The following PDE9A variants were observed in gnomAD, a reference collection of about 807,000 sequenced individuals.
PDE9A encodes the protein phosphodiesterase 9A, also known as high affinity cGMP-specific 3',5'-cyclic phosphodiesterase 9A.
Under a neutral mutation model 87.4 loss-of-function variants are expected in PDE9A, and 60 were observed. The ratio of observed to expected loss-of-function variants is 0.69; its 90% confidence interval spans 0.56 to 0.85. PDE9A has a LOEUF of 0.85. Ranked by LOEUF, PDE9A falls within the 40% of genes least tolerant of loss-of-function variation. The pLI is 0.00. For missense variants in PDE9A, 665 were observed against 779.0 expected, an observed-to-expected ratio of 0.85 and a Z score of 1.74; for synonymous variants, 272 against 279.4, an observed-to-expected ratio of 0.97 and a Z score of 0.27.
In PDE9A at chr21:42,716,812, G is replaced by C. The variant is rs555755056; in HGVS notation, c.263-14958G>C. 1.0e-3 allele frequency among the ~76,000 whole-genome samples: 124 copies of C among 123,338 alleles called. 4 individuals are homozygous for C. The highest frequency in any genetic ancestry group is 1.7e-3 in the Non-Finnish European group (107 of 63,142). The allele number at this position is 123,338 out of a possible 152,430, so 80.9% of individuals were successfully genotyped here. A position where few individuals can be genotyped will look rare whatever the true frequency, so the allele number is the denominator to read the frequency against. On this transcript the variant is annotated intron_variant, in intron 4 of 19. Transcript: ENST00000291539. ...CTTGCCCAGGCTGGAGTGCAGTAGTGAGATCTCAGCTCACTGCAACCTCCA... is the reference window on the plus strand; with the variant it reads ...CTTGCCCAGGCTGGAGTGCAGTAGTCAGATCTCAGCTCACTGCAACCTCCA...
In PDE9A at chr21:42,731,789, A is replaced by G. The variant is rs772877028; in HGVS notation, c.282A>G (p.Arg94=). The change falls in exon 5 of 20, where the codon AGA becomes AGG. Residue 94 remains arginine (R), a synonymous_variant. Coordinates refer to ENST00000291539, the MANE Select transcript of PDE9A (RefSeq NM_002606.3). ...KQLSAGVEDK[R]TTSRGQSAER... ...TTATAGCTGGTGTCGAGGACAAGAG[A>G]ACCACAAGCCGTGGCCAGTCTGCTG... 8.1e-6 allele frequency: 13 copies of G among 1,613,466 alleles called. No homozygotes were observed. The highest frequency in any genetic ancestry group is 1.1e-5 in the Non-Finnish European group (13 of 1,179,830).
chr21:42,733,677 G>A, intron 7 of PDE9A: 1 of 522,120 alleles, frequency 1.9e-6, no homozygotes, highest in Non-Finnish European at 3.4e-6. Context: ...GAATAAAAAT[G>A]AACACACGAA....
intron 8 of PDE9A, among the ~76,000 whole-genome samples, chr21:42,748,865 G>A (rs932187176): frequency 2.0e-5 from 3 of 152,128 alleles, no homozygotes; most frequent in Admixed American, 6.6e-5. Context: ...TCCTCGTAGC[G>A]TGGCATTTTT....
At chr21:42,772,191 G>A (rs1189598053) in intron 18 of PDE9A, among the ~76,000 whole-genome samples, 10 of 152,338 alleles carry the variant, frequency 6.6e-5, no homozygotes, top group East Asian at 3.9e-4. Flanking sequence ...CAGTCCCCGC[G>A]GCTGTGGTGG....
intron 7 of PDE9A, among the ~76,000 whole-genome samples, chr21:42,740,452 A>AG (rs2053013292): frequency 6.6e-6 from 1 of 152,122 alleles, no homozygotes; most frequent in East Asian, 1.9e-4. Flanking sequence ...TCAAAAAAAA[A>AG]AAAAGAAAAG....
At chr21:42,708,926 C>T (rs564777378) in intron 4 of PDE9A, among the ~76,000 whole-genome samples, 1 of 152,132 alleles carries the variant, frequency 6.6e-6, no homozygotes, top group Admixed American at 6.5e-5. Context: ...ACCAGAAATA[C>T]CATTTGACCC....
intron 1 of PDE9A, among the ~76,000 whole-genome samples, chr21:42,665,598 A>C (rs759026784): frequency 2.0e-5 from 3 of 152,048 alleles, no homozygotes; most frequent in Non-Finnish European, 4.4e-5. Context: ...CTCTGCTCCT[A>C]CAGCTCCCGG....
chr21:42,656,993 G>C (rs2057123954), intron 1 of PDE9A, among the ~76,000 whole-genome samples: 1 of 152,222 alleles, frequency 6.6e-6, no homozygotes, highest in Admixed American at 6.5e-5. Flanking sequence ...TCCATGGGAA[G>C]CTGAGTGCTG....
chr21:42,664,185 G>A (rs1237384151), intron 1 of PDE9A, among the ~76,000 whole-genome samples: 1 of 152,262 alleles, frequency 6.6e-6, no homozygotes, highest in African/African-American at 2.4e-5. Context: ...GTGAGCCCAA[G>A]GCATCAAACT....
intron 8 of PDE9A, among the ~76,000 whole-genome samples, chr21:42,746,512 C>T (rs984571728): frequency 6.6e-6 from 1 of 152,200 alleles, no homozygotes; most frequent in African/African-American, 2.4e-5. Context: ...CCAAATTCCC[C>T]CTTTTTGTAA....
chr21:42,772,998 T>C (rs905442396), intron 19 of PDE9A, among the ~76,000 whole-genome samples: 2 of 150,460 alleles, frequency 1.3e-5, no homozygotes, highest in African/African-American at 2.4e-5. Flanking sequence ...TGGTGGCTCA[T>C]GCCTGCAATC....
Position 42,680,386 on chromosome 21 carries a change from G to C in PDE9A, c.70-5806G>C, listed in dbSNP as rs146331338. 9.2e-3 allele frequency among the ~76,000 whole-genome samples: 1,408 copies of C among 152,352 alleles called. 31 individuals are homozygous for C. Among genetic ancestry groups the C allele is most frequent in the African/African-American group, 0.032 (1,338 of 41,578 alleles). On this transcript the variant is annotated intron_variant, in intron 1 of 19. Transcript: ENST00000291539. ...CAAGGCATGCGCAGGACAGCTGGCC[G>C]GCAGAGGTCCCGTGTGCTGTCATGG...
Position 42,769,164 on chromosome 21 carries a change from C to G in PDE9A, c.1590+9C>G. 6.2e-7 allele frequency: 1 copy of G among 1,611,628 alleles called. No individual in the cohort carries two copies. The highest frequency in any genetic ancestry group is 8.5e-7 in the Non-Finnish European group (1 of 1,178,324). On this transcript the variant is annotated intron_variant, in intron 17 of 19. Coordinates refer to ENST00000291539, the MANE Select transcript of PDE9A (RefSeq NM_002606.3). ...TTGAAACAGTGACCAAGGTGAGTAA[C>G]TGTCACCACATGTCACACTTGCTTA... is the stretch of plus-strand genomic sequence containing the variant.
chr21:42,747,276 T>C (rs1223430441), intron 8 of PDE9A, among the ~76,000 whole-genome samples: 1 of 151,086 alleles, frequency 6.6e-6, no homozygotes, highest in Non-Finnish European at 1.5e-5. Flanking sequence ...AAGCTGGAAC[T>C]TCCCCGGATG....
intron 10 of PDE9A, among the ~76,000 whole-genome samples, chr21:42,755,978 C>T (rs2054996113): frequency 1.3e-5 from 2 of 152,216 alleles, no homozygotes; most frequent in African/African-American, 4.8e-5. Flanking sequence ...GGGCTTGCCC[C>T]ACGAAGCTGG....
At chr21:42,740,625 G>A (rs2146849125) in intron 7 of PDE9A, among the ~76,000 whole-genome samples, 1 of 16,250 alleles carries the variant, frequency 6.2e-5, no homozygotes, top group African/African-American at 2.2e-4. Flanking sequence ...ATGGATGGAT[G>A]AATGGATACA....
At chr21:42,662,802 A>C (rs2057643448) in intron 1 of PDE9A, among the ~76,000 whole-genome samples, 2 of 141,438 alleles carry the variant, frequency 1.4e-5, no homozygotes, top group African/African-American at 5.4e-5. Flanking sequence ...AAGCACACAC[A>C]CACCACACAC....
At chr21:42,666,344 A>G (rs1440101470) in intron 1 of PDE9A, among the ~76,000 whole-genome samples, 2 of 151,988 alleles carry the variant, frequency 1.3e-5, no homozygotes, top group African/African-American at 2.4e-5. Context: ...CCGCCTCCCA[A>G]GTGTGAGGCT....
rs920821763 is a variant in PDE9A, at chr21:42,663,100, A to T, written c.69+9217A>T. Among the ~76,000 whole-genome samples, 43 of 148,606 alleles carry T rather than the reference A, an allele frequency of 2.9e-4. No individual in the cohort carries two copies. In the Middle Eastern group the frequency reaches 0.011, roughly 39 times the overall value. ...CACATCACACACAAGAATGCACACC[A>T]CATACACGCACATCACACACATGCA... On this transcript the variant is annotated intron_variant, in intron 1 of 19. Coordinates refer to ENST00000291539, the MANE Select transcript of PDE9A (RefSeq NM_002606.3).
Sources: gnomAD v4.1 joint callset for allele counts (sites outside exome capture counted in the v4.1 genomes callset) on GRCh38, gnomAD v4.1.1 for gene constraint, MANE v1.5 for transcripts, NCBI Gene and HGNC (gene_info 2026-07-23, HGNC 2026-07-21) for gene names.